CCDC134: variants seen among roughly 807,000 people sequenced by gnomAD.
CCDC134 encodes the protein coiled-coil domain containing 134.
In CCDC134, 27 loss-of-function variants were observed where a neutral mutation model predicts 25.6. The ratio of observed to expected loss-of-function variants is 1.05; its 90% CI spans 0.78 to 1.45. The LOEUF is 1.45. Ranked by LOEUF, CCDC134 falls within the 40% of genes most tolerant of loss-of-function variation. CCDC134 has a pLI of 0.00. For synonymous variants in CCDC134, 110 were observed against 115.0 expected, an observed-to-expected ratio of 0.96 and a Z score of 0.28; for missense variants, 261 against 286.7, an observed-to-expected ratio of 0.91 and a Z score of 0.65.
intron 1 of CCDC134, among the ~76,000 whole-genome samples, chr22:41,808,593 G>T (rs367663262): frequency 6.6e-6 from 1 of 152,174 alleles, no homozygotes; most frequent in African/African-American, 2.4e-5. Flanking sequence ...AGACGGGCGG[G>T]GGCAGGGCTC....
intron 5 of CCDC134, 92 bp from the exon 6 acceptor site, chr22:41,813,659 C>T: frequency 7.2e-7 from 1 of 1,398,230 alleles, no homozygotes; most frequent in East Asian, 2.3e-5. Context: ...CTGCCCAAGT[C>T]AGGAGTCTGG....
intron 1 of CCDC134, among the ~76,000 whole-genome samples, chr22:41,803,216 T>C (rs2076552564): frequency 6.6e-6 from 1 of 152,104 alleles, no homozygotes; most frequent in African/African-American, 2.4e-5. Flanking sequence ...GGAGCTATGA[T>C]TGTACCGCTG....
At chr22:41,818,662 A>T (rs1602242950) in intron 6 of CCDC134, among the ~76,000 whole-genome samples, 1 of 152,268 alleles carries the variant, frequency 6.6e-6, no homozygotes, top group East Asian at 1.9e-4. Context: ...AGAGTCGGGG[A>T]TGCTGTTTCC....
chr22:41,800,971 G>C (rs1197261665), intron 1 of CCDC134, among the ~76,000 whole-genome samples: 1 of 152,232 alleles, frequency 6.6e-6, no homozygotes, highest in Non-Finnish European at 1.5e-5. Context: ...GCTGGCTCAA[G>C]GCCCGCCACT....
Position 41,828,883 on chromosome 22 carries a change from G to A in CCDC134, c.*3060G>A, listed in dbSNP as rs549174615. Among the ~76,000 whole-genome samples, 43 of 152,278 alleles carry A rather than the reference G, an allele frequency of 2.8e-4. No individual in the cohort carries two copies. The highest frequency in any genetic ancestry group is 4.7e-4 in the Non-Finnish European group (32 of 68,018). ...CAGGGTGCCCAGTGGTGGCAACAGTGGTGTTTTCAGTGTGATCTTGGACAT... is the reference window on the plus strand; with the variant it reads ...CAGGGTGCCCAGTGGTGGCAACAGTAGTGTTTTCAGTGTGATCTTGGACAT... On this transcript the variant is annotated 3_prime_UTR_variant, in exon 7 of 7. Coordinates refer to ENST00000255784, the MANE Select transcript of CCDC134 (RefSeq NM_024821.5).
intron 4 of CCDC134, among the ~76,000 whole-genome samples, chr22:41,811,515 G>A (rs1485959161): frequency 6.6e-6 from 1 of 152,076 alleles, no homozygotes; most frequent in African/African-American, 2.4e-5. Context: ...TGCAACCTCT[G>A]CCTCCCAGGT....
rs1031385687 is a variant in CCDC134 at position 41,827,976 on chromosome 22, A to G, written c.*2153A>G. On this transcript the variant is annotated 3_prime_UTR_variant, in exon 7 of 7. Transcript: ENST00000255784. The stretch of plus-strand genomic sequence containing the variant: ...CTGGAGAAAAAACTTTCTAAGAACC[A>G]GGCCTGGTTGGCAGCAGACCTAGCT... Among the ~76,000 whole-genome samples the G allele has an allele frequency of 5.3e-5, 8 of 152,236 alleles. No homozygotes were observed. Among genetic ancestry groups the G allele is most frequent in the African/African-American group, 1.7e-4 (7 of 41,464 alleles).
intron 2 of CCDC134, 110 bp from the exon 3 acceptor site, chr22:41,809,769 C>A: frequency 7.0e-7 from 1 of 1,423,470 alleles, no homozygotes; most frequent in Non-Finnish European, 9.6e-7. Context: ...CCCTGGGTGT[C>A]CATGGCCCTT....
intron 5 of CCDC134, 29 bp from the exon 6 acceptor site, chr22:41,813,722 G>A (rs772056601): frequency 3.1e-6 from 5 of 1,606,682 alleles, no homozygotes; most frequent in Non-Finnish European, 4.3e-6. Flanking sequence ...GGAGAAGGCA[G>A]ATGATGACTA....
chr22:41,814,118 A>C (rs1569356193), intron 6 of CCDC134, among the ~76,000 whole-genome samples: 1 of 152,214 alleles, frequency 6.6e-6, no homozygotes, highest in African/African-American at 2.4e-5. Flanking sequence ...GGTGGATATC[A>C]GGGTAGCTAG....
chr22:41,828,612 TTA>T lies in CCDC134; in HGVS notation c.*2792_*2793del, dbSNP rs1281749082. ...CTCCCTTTACTGCCACTATTGATTG[TTA>T]TAGTCACTTGCTCCAGGAAGTCCAC... On this transcript the variant is annotated 3_prime_UTR_variant, in exon 7 of 7. Transcript: ENST00000255784. 1.3e-5 allele frequency among the ~76,000 whole-genome samples: 2 copies of T among 152,312 alleles called. No homozygotes were observed. Among genetic ancestry groups the T allele is most frequent in the Admixed American group, 1.3e-4 (2 of 15,296 alleles).
Position 41,825,553 on chromosome 22 carries a change from T to C in CCDC134, c.565-145T>C, listed in dbSNP as rs1032788607. 70 of 1,057,092 alleles carry C rather than the reference T, an allele frequency of 6.6e-5. No individual in the cohort carries two copies. In the East Asian group the frequency reaches 1.4e-3, roughly 21 times the overall value. The allele number at this position is 1,057,092 out of a possible 1,614,324, so 65.5% of individuals were successfully genotyped here. On this transcript the variant is annotated intron_variant, in intron 6 of 6. Transcript: ENST00000255784. The surrounding 1 kb of genome is among the most constrained non-coding windows in gnomAD (Gnocchi z 4.4). Reference sequence around the variant, plus strand: ...TCTTCCAACACCCACTCAGCAGTTCTCCCAAACCCATTTCCTGTCTCCGTG... The same window carrying C: ...TCTTCCAACACCCACTCAGCAGTTCCCCCAAACCCATTTCCTGTCTCCGTG...
intron 1 of CCDC134, among the ~76,000 whole-genome samples, chr22:41,806,296 G>A: frequency 6.9e-6 from 1 of 144,174 alleles, no homozygotes; most frequent in South Asian, 2.1e-4. Flanking sequence ...TCGGCTCACT[G>A]CAACCTCTGC....
chr22:41,809,790 G>T, intron 2 of CCDC134, 89 bp from the exon 3 acceptor site: 1 of 1,550,322 alleles, frequency 6.5e-7, no homozygotes, highest in Non-Finnish European at 8.8e-7. Context: ...GCAGATACTT[G>T]CTGGTCAGGA....
intron 1 of CCDC134, among the ~76,000 whole-genome samples, chr22:41,804,639 C>G (rs1286538442): frequency 1.3e-5 from 2 of 152,180 alleles, no homozygotes; most frequent in Non-Finnish European, 2.9e-5. Flanking sequence ...GTTCCTGGGC[C>G]TGCCAGGAAG....
At position 41,825,707 on chromosome 22, in the gene CCDC134, A is replaced by G. The variant is rs1226622265; in HGVS notation, c.574A>G (p.Ser192Gly). ...FKIDRTEFIP[S>G]TDPFQKALRE... ...CTTCTCTTCCCTTCAGTTCATTCCC[A>G]GCACTGACCCTTTCCAGAAGGCCCT... Residue 192 changes from serine (S) to glycine (G), a missense_variant, in exon 7 of 7, where the codon AGC becomes GGC. Ser to Gly is a moderately conservative substitution (Grantham distance 56, BLOSUM62 0). Transcript: ENST00000255784. The surrounding 1 kb of genome is among the most constrained non-coding windows in gnomAD (Gnocchi z 4.4). 2 of 1,614,032 alleles carry G rather than the reference A, an allele frequency of 1.2e-6. No individual in the cohort carries two copies. The highest frequency in any genetic ancestry group is 1.7e-6 in the Non-Finnish European group (2 of 1,179,948).
At chr22:41,810,824 G>A (rs1423281456) in intron 4 of CCDC134, among the ~76,000 whole-genome samples, 3 of 152,130 alleles carry the variant, frequency 2.0e-5, no homozygotes, top group Non-Finnish European at 4.4e-5. Context: ...ACACTGAGAG[G>A]ATGCGGACAG....
intron 1 of CCDC134, among the ~76,000 whole-genome samples, chr22:41,803,667 C>T (rs1359774226): frequency 1.3e-5 from 2 of 152,022 alleles, no homozygotes; most frequent in Non-Finnish European, 2.9e-5. Context: ...ACTCGGGAGG[C>T]TGAGGCAGGA....
At chr22:41,810,186 G>C (rs2076587783) in intron 3 of CCDC134, 21 bp from the exon 4 acceptor site, 1 of 1,613,126 alleles carries the variant, frequency 6.2e-7, no homozygotes, top group Non-Finnish European at 8.5e-7. Context: ...AAGCCACTCA[G>C]CCCTGGCGGG....
Sources: allele counts gnomAD v4.1 joint callset (sites outside exome capture counted in the v4.1 genomes callset), GRCh38; gene constraint gnomAD v4.1.1; non-coding constraint Gnocchi (gnomAD v3.1); transcripts MANE v1.5; gene names NCBI Gene and HGNC (gene_info 2026-07-23, HGNC 2026-07-21).